BROX: variants seen among roughly 807,000 people sequenced by gnomAD.
BROX encodes BRO1 domain and CAAX motif containing, also known as BRO1 domain-containing protein BROX.
BROX carries 53 observed loss-of-function variants against 61.0 expected under a neutral mutation model. That is an observed-to-expected ratio of 0.87 (90% confidence interval 0.70 to 1.09). The LOEUF (loss-of-function observed/expected upper bound fraction) is 1.09. Ranked by LOEUF, BROX falls within the 50% of genes least tolerant of loss-of-function variation. The pLI, the probability that BROX is intolerant of heterozygous loss-of-function variation, is 0.00. For synonymous variants in BROX, 152 were observed against 160.2 expected, an observed-to-expected ratio of 0.95 and a Z score of 0.38; for missense variants, 489 against 472.0, an observed-to-expected ratio of 1.04 and a Z score of -0.33.
intron 4 of BROX, among the ~76,000 whole-genome samples, chr1:222,719,893 T>G (rs943322532): frequency 2.9e-4 from 44 of 152,242 alleles, no homozygotes; most frequent in Admixed American, 5.2e-4. Context: ...GTAATAGATC[T>G]AATTATAACG....
intron 7 of BROX, among the ~76,000 whole-genome samples, chr1:222,726,649 G>A (rs569479507): frequency 4.6e-5 from 7 of 152,136 alleles, no homozygotes; most frequent in South Asian, 2.1e-4. Flanking sequence ...CCTGGGAGGC[G>A]GAGGTTGTGG....
intron 2 of BROX, among the ~76,000 whole-genome samples, chr1:222,718,660 G>A: frequency 6.6e-6 from 1 of 151,960 alleles, no homozygotes; most frequent in East Asian, 1.9e-4. Flanking sequence ...CCTTTAATTG[G>A]TCTGAGTTTA....
intron 5 of BROX, among the ~76,000 whole-genome samples, chr1:222,722,899 G>A (rs1657205151): frequency 6.6e-6 from 1 of 152,164 alleles, no homozygotes; most frequent in Non-Finnish European, 1.5e-5. Context: ...AGGAAAGACC[G>A]TCAAATCAAT....
chr1:222,725,789 A>C (rs930653939), intron 7 of BROX, among the ~76,000 whole-genome samples: 1 of 152,134 alleles, frequency 6.6e-6, no homozygotes, highest in South Asian at 2.1e-4. Context: ...ACATTCCTGT[A>C]GTCCCAGCTT....
chr1:222,713,414 C>T (rs1656231392), intron 1 of BROX: 1 of 985,140 alleles, frequency 1.0e-6, no homozygotes, highest in South Asian at 4.7e-5. Flanking sequence ...GGGCGGCGCT[C>T]AGGTAGGTTC....
rs756686374 is a variant in BROX, at chr1:222,715,800, A to G, written c.101A>G (p.Asn34Ser). 2.5e-6 allele frequency: 4 copies of G among 1,576,102 alleles called. No individual in the cohort carries two copies. In the South Asian group the frequency reaches 3.5e-5, roughly 14 times the overall value. ...VTGPSASKIC[N>S]DLRSSRARLL... Reference sequence around the variant, plus strand: ...GGCCCTTCTGCTTCAAAAATATGCAAGTAAGTTTATTGATTGAACCACTCT... The same window carrying G: ...GGCCCTTCTGCTTCAAAAATATGCAGGTAAGTTTATTGATTGAACCACTCT... Residue 34 changes from asparagine to serine, a missense_variant and splice_region_variant, in exon 2 of 13, where the codon AAT becomes AGT. Coordinates refer to ENST00000340934, the MANE Select transcript of BROX (RefSeq NM_144695.4).
chr1:222,713,158 C>T (rs975921008), intron 1 of BROX: 19 of 978,684 alleles, frequency 1.9e-5, no homozygotes, highest in Non-Finnish European at 2.3e-5. Flanking sequence ...CGCTGAATCC[C>T]CTTGCCCCGC....
intron 4 of BROX, 95 bp from the exon 5 acceptor site, chr1:222,722,324 T>C (rs1657161834): frequency 5.1e-6 from 5 of 983,452 alleles, no homozygotes; most frequent in Non-Finnish European, 7.9e-6. Context: ...AGTTAGCATA[T>C]ACTTCTTTGT....
chr1:222,719,035 A>G lies in BROX; in HGVS notation c.208+4A>G, dbSNP rs747393706. 2 of 1,601,424 alleles carry G rather than the reference A, an allele frequency of 1.2e-6. No homozygotes were observed. The highest frequency in any genetic ancestry group is 1.7e-6 in the Non-Finnish European group (2 of 1,173,000). ...TCATATTTCTCACTTTTACAAGGTT[A>G]GTTATTTATATGAACTTGAGGTTTT... On this transcript the variant is annotated splice_donor_region_variant and intron_variant, in intron 3 of 12. Coordinates refer to ENST00000340934, the MANE Select transcript of BROX (RefSeq NM_144695.4).
Position 222,731,356 on chromosome 1 carries a change from GT to G in BROX, c.991del (p.Tyr331ThrfsTer21), listed in dbSNP as rs1657920863. 1 of 1,558,356 alleles carries G rather than the reference GT, an allele frequency of 6.4e-7. No individual in the cohort carries two copies. The part of the protein sequence containing the change: ...LEKCQRENGF[I>X]YFQKIPTEAP... ...ATTGCTATTTAAATTATTTTTTGCAGTTACTTTCAAAAAATTCCAACAGAAG... is the reference window on the plus strand; with the variant it reads ...ATTGCTATTTAAATTATTTTTTGCAGTACTTTCAAAAAATTCCAACAGAAG... On this transcript the variant is annotated frameshift_variant and splice_region_variant, in exon 12 of 13. Transcript: ENST00000340934. LOFTEE classifies it high-confidence loss of function.
rs199773488 is a variant in BROX, at chr1:222,731,358, T to C, written c.991T>C (p.Tyr331His). Residue 331 changes from tyrosine to histidine, a missense_variant and splice_region_variant, in exon 12 of 13, where the codon TAC (tyrosine) becomes CAC (histidine). Coordinates refer to ENST00000340934, the MANE Select transcript of BROX (RefSeq NM_144695.4). ...EKCQRENGFI[Y>H]FQKIPTEAPQ... is the part of the protein sequence containing the mutation. Reference sequence around the variant, plus strand: ...TGCTATTTAAATTATTTTTTGCAGTTACTTTCAAAAAATTCCAACAGAAGC... The same window carrying C: ...TGCTATTTAAATTATTTTTTGCAGTCACTTTCAAAAAATTCCAACAGAAGC... The C allele has an allele frequency of 2.1e-5, 33 of 1,559,958 alleles. No individual in the cohort carries two copies. Among genetic ancestry groups the C allele is most frequent in the Non-Finnish European group, 2.7e-5 (31 of 1,163,514 alleles).
chr1:222,716,681 C>G (rs1656645801), intron 2 of BROX, among the ~76,000 whole-genome samples: 1 of 152,194 alleles, frequency 6.6e-6, no homozygotes, highest in East Asian at 1.9e-4. Flanking sequence ...TCTACAACAC[C>G]AGAATTGAAT....
intron 12 of BROX, among the ~76,000 whole-genome samples, chr1:222,732,154 G>A (rs928562993): frequency 6.6e-6 from 1 of 151,908 alleles, no homozygotes; most frequent in Non-Finnish European, 1.5e-5. Flanking sequence ...ATAAAATAAT[G>A]CCCTAAGAGA....
chr1:222,731,916 G>T (rs1657966487), intron 12 of BROX, among the ~76,000 whole-genome samples: 1 of 152,190 alleles, frequency 6.6e-6, no homozygotes, highest in Non-Finnish European at 1.5e-5. Flanking sequence ...TAAAATAAGA[G>T]TGCTTTTATT....
intron 1 of BROX, chr1:222,714,060 T>C (rs1656326370): frequency 6.6e-6 from 1 of 152,204 alleles, no homozygotes; most frequent in African/African-American, 2.4e-5. Flanking sequence ...TGTCAGAATT[T>C]TTTAGTGCCT....
chr1:222,727,694 T>A (rs1421449736), intron 8 of BROX, among the ~76,000 whole-genome samples: 2 of 152,218 alleles, frequency 1.3e-5, no homozygotes, highest in Non-Finnish European at 2.9e-5. Context: ...GGATAGTTAC[T>A]GTTTTTGTTG....
At chr1:222,721,287 T>G (rs753287644) in intron 4 of BROX, among the ~76,000 whole-genome samples, 3 of 152,168 alleles carry the variant, frequency 2.0e-5, no homozygotes, top group Admixed American at 6.5e-5. Context: ...TTGAGAAGTT[T>G]GTTCATAACT....
chr1:222,715,461 A>C (rs550497917), intron 1 of BROX, among the ~76,000 whole-genome samples: 12 of 152,106 alleles, frequency 7.9e-5, no homozygotes, highest in Non-Finnish European at 1.8e-4. Context: ...TAATCCCAAC[A>C]CTTTGGGAGG....
At chr1:222,727,947 A>G (rs1657629166) in intron 8 of BROX, among the ~76,000 whole-genome samples, 1 of 152,200 alleles carries the variant, frequency 6.6e-6, no homozygotes, top group South Asian at 2.1e-4. Context: ...TACAGACATA[A>G]GAAAGAACTT....
Sources: gnomAD v4.1 joint callset for allele counts (sites outside exome capture counted in the v4.1 genomes callset) on GRCh38, gnomAD v4.1.1 for gene constraint, MANE v1.5 for transcripts, NCBI Gene and HGNC (gene_info 2026-07-23, HGNC 2026-07-21) for gene names.